GRXCR2: variants seen among roughly 807,000 people sequenced by gnomAD.
GRXCR2 encodes glutaredoxin domain-containing cysteine-rich protein 2.
A neutral mutation model predicts 24.8 loss-of-function variants in GRXCR2; 23 were observed. That is an observed-to-expected ratio of 0.93 (90% CI 0.67 to 1.32). The LOEUF (loss-of-function observed/expected upper bound fraction) is 1.32. GRXCR2 is among the 40% of genes most tolerant of loss of function. GRXCR2 has a pLI of 0.00. For synonymous variants in GRXCR2, 130 were observed against 116.1 expected, an observed-to-expected ratio of 1.12 and a Z score of -0.77; for missense variants, 315 against 303.4, an observed-to-expected ratio of 1.04 and a Z score of -0.28.
Position 145,912,606 on chromosome 5 carries a change from C to T in GRXCR2, c.-70+23095G>A, listed in dbSNP as rs148643350. 2.9e-3 allele frequency among the ~76,000 whole-genome samples: 448 copies of T among 152,126 alleles called. 2 individuals carry two copies. Among genetic ancestry groups the T allele is most frequent in the Middle Eastern group, 0.021 (6 of 292 alleles). Reference sequence around the variant, plus strand: ...GTGTTTTGAAGAACACAAAACAAAGCGAAGGAGAGTGACAGACAGAGCAGG... The same window carrying T: ...GTGTTTTGAAGAACACAAAACAAAGTGAAGGAGAGTGACAGACAGAGCAGG... On this transcript the variant is annotated intron_variant, in intron 2 of 3. Transcript: ENST00000639411.
intron 2 of GRXCR2, among the ~76,000 whole-genome samples, chr5:145,903,131 G>C (rs958256030): frequency 6.6e-6 from 1 of 152,208 alleles, no homozygotes; most frequent in South Asian, 2.1e-4. Context: ...ACAGGGTAAT[G>C]CAAAGGTCAC....
At chr5:145,928,056 G>GA (rs1047008528) in intron 2 of GRXCR2, among the ~76,000 whole-genome samples, 26 of 151,798 alleles carry the variant, frequency 1.7e-4, no homozygotes, top group African/African-American at 6.0e-4. Flanking sequence ...AAATTTACAA[G>GA]AAAAAAACAA....
chr5:145,921,312 A>C (rs1431752879), intron 2 of GRXCR2, among the ~76,000 whole-genome samples: 1 of 152,212 alleles, frequency 6.6e-6, no homozygotes, highest in East Asian at 1.9e-4. Context: ...AAGGCCAGGA[A>C]ACCAAGGGTG....
intron 2 of GRXCR2, among the ~76,000 whole-genome samples, chr5:145,913,697 T>G (rs1448003756): frequency 6.6e-6 from 1 of 152,116 alleles, no homozygotes; most frequent in Non-Finnish European, 1.5e-5. Context: ...AAAAATTTTT[T>G]AAATAAATAG....
chr5:145,926,249 A>T (rs1366916868), intron 2 of GRXCR2, among the ~76,000 whole-genome samples: 1 of 152,088 alleles, frequency 6.6e-6, no homozygotes, highest in African/African-American at 2.4e-5. Flanking sequence ...TATTTTTTTA[A>T]TGGCTATCTT....
chr5:145,919,942 T>G (rs1466378264), intron 2 of GRXCR2, among the ~76,000 whole-genome samples: 1 of 152,120 alleles, frequency 6.6e-6, no homozygotes, highest in Non-Finnish European at 1.5e-5. Flanking sequence ...TTTTAGTCTG[T>G]TCTGGGCTGA....
chr5:145,891,909 C>A (rs539361133), intron 2 of GRXCR2, among the ~76,000 whole-genome samples: 1 of 152,116 alleles, frequency 6.6e-6, no homozygotes, highest in East Asian at 1.9e-4. Context: ...ACACCTCACA[C>A]GGCCGGGTAC....
intron 2 of GRXCR2, among the ~76,000 whole-genome samples, chr5:145,923,758 T>G (rs1302412414): frequency 6.6e-6 from 1 of 152,158 alleles, no homozygotes; most frequent in Non-Finnish European, 1.5e-5. Flanking sequence ...ACCATCTTCT[T>G]TTTTCCATTA....
chr5:145,929,199 C>CTATATATATATATATATATATATATATA (rs72283862), intron 2 of GRXCR2, among the ~76,000 whole-genome samples: 12 of 116,480 alleles, frequency 1.0e-4, no homozygotes, highest in African/African-American at 2.2e-4. Flanking sequence ...ATATTCCCCC[C>CTATATATATATATATATATATATATATA]TATATATATA....
chr5:145,893,754 A>T (rs976564356), intron 2 of GRXCR2, among the ~76,000 whole-genome samples: 5 of 152,174 alleles, frequency 3.3e-5, no homozygotes, highest in African/African-American at 4.8e-5. Context: ...GATATCCAGG[A>T]ATTGAACTCA....
rs770653814 is a variant in GRXCR2, at chr5:145,859,854, G to A, written c.626C>T (p.Ser209Phe). 76 of 1,612,616 alleles carry A rather than the reference G, an allele frequency of 4.7e-5. No individual in the cohort carries two copies. The highest frequency in any genetic ancestry group is 5.9e-5 in the Non-Finnish European group (70 of 1,179,218). Residue 209 changes from serine to phenylalanine, a missense_variant, in exon 3 of 3, where the codon TCT becomes TTT. By Grantham distance (155) the Ser-to-Phe change is radical. Coordinates refer to ENST00000377976, the MANE Select transcript of GRXCR2 (RefSeq NM_001080516.2). ...HCRGSGSATCSLCHGSKFSML... is the reference protein window; with the variant it reads ...HCRGSGSATCFLCHGSKFSML... ...CGAGAACTTGCTGCCGTGGCACAGA[G>A]AGCAGGTGGCACTGCCCGACCCTCG... is the stretch of plus-strand genomic sequence containing the variant.
intron 2 of GRXCR2, among the ~76,000 whole-genome samples, chr5:145,863,315 CAAAT>C (rs1350208469): frequency 6.6e-6 from 1 of 152,182 alleles, no homozygotes; most frequent in Non-Finnish European, 1.5e-5. Context: ...ATTGGGCAAA[CAAAT>C]AGCAATTTAA....
At chr5:145,892,116 A>G (rs1031288446) in intron 2 of GRXCR2, among the ~76,000 whole-genome samples, 5 of 152,160 alleles carry the variant, frequency 3.3e-5, no homozygotes, top group African/African-American at 1.2e-4. Context: ...GGACATCCAC[A>G]CCAAAACCCC....
upstream of GRXCR2, among the ~76,000 whole-genome samples, chr5:145,874,279 C>G (rs1187776807): frequency 1.3e-5 from 2 of 151,762 alleles, no homozygotes; most frequent in East Asian, 3.9e-4. Flanking sequence ...TCTCGGCTCA[C>G]TGCAACCTCC....
At chr5:145,877,172 A>C (rs968435897), upstream of GRXCR2, among the ~76,000 whole-genome samples, 7 of 152,300 alleles carry the variant, frequency 4.6e-5, no homozygotes, top group East Asian at 1.3e-3. Context: ...TACTCCCCTA[A>C]ATATTATTCA....
Position 145,925,849 on chromosome 5 carries a change from T to A in GRXCR2, c.-70+9852A>T, listed in dbSNP as rs902365716. 1.6e-4 allele frequency among the ~76,000 whole-genome samples: 25 copies of A among 152,162 alleles called. No homozygotes were observed. In the East Asian group the frequency reaches 2.3e-3, roughly 14 times the overall value. ...ATTCTTTTTTAATAAGGGAAAAAAA[T>A]TTGTTTCTCCTGTATTTCACATTAT... On this transcript the variant is annotated intron_variant, in intron 2 of 3. Transcript: ENST00000639411.
intron 2 of GRXCR2, among the ~76,000 whole-genome samples, chr5:145,917,564 T>C (rs1581354776): frequency 6.6e-6 from 1 of 152,184 alleles, no homozygotes; most frequent in Admixed American, 6.5e-5. Context: ...CAGACCTTCA[T>C]CTAGAAGTTC....
chr5:145,926,173 A>C (rs923737041), intron 2 of GRXCR2, among the ~76,000 whole-genome samples: 3 of 152,166 alleles, frequency 2.0e-5, no homozygotes, highest in African/African-American at 7.2e-5. Context: ...ACTTTTCTTT[A>C]GTAAGGCACA....
At chr5:145,911,005 G>A (rs991044995) in intron 2 of GRXCR2, among the ~76,000 whole-genome samples, 1 of 148,384 alleles carries the variant, frequency 6.7e-6, no homozygotes, top group Non-Finnish European at 1.5e-5. Context: ...TTTTTTTTTT[G>A]GAAGCAAATT....
Sources: allele counts gnomAD v4.1 joint callset (sites outside exome capture counted in the v4.1 genomes callset), GRCh38; gene constraint gnomAD v4.1.1; transcripts MANE v1.5; gene names NCBI Gene and HGNC (gene_info 2026-07-23, HGNC 2026-07-21).